Variants in SLC27A6 observed in about 807,000 individuals in gnomAD.
The protein encoded by SLC27A6 is long-chain fatty acid transport protein 6.
In SLC27A6, 74 loss-of-function variants were observed where a neutral mutation model predicts 63.9. The observed-to-expected ratio is 1.16, with a 90% confidence interval of 0.96 to 1.40. SLC27A6 has a LOEUF of 1.40. SLC27A6 is among the 40% of genes most tolerant of loss of function. SLC27A6 has a pLI of 0.00. For missense variants in SLC27A6, 794 were observed against 732.9 expected, an observed-to-expected ratio of 1.08 and a Z score of -0.96; for synonymous variants, 287 against 260.8, an observed-to-expected ratio of 1.10 and a Z score of -0.97.
chr5:128,967,913 C>G (rs376541814), intron 1 of SLC27A6, among the ~76,000 whole-genome samples: 8 of 152,038 alleles, frequency 5.3e-5, no homozygotes, highest in African/African-American at 1.9e-4. Context: ...CCTCCCCACT[C>G]CCCCCACCCC....
At chr5:128,990,525 G>A (rs981913653) in intron 4 of SLC27A6, 61 bp downstream of exon 4, 2 of 1,491,908 alleles carry the variant, frequency 1.3e-6, no homozygotes, top group Non-Finnish European at 1.8e-6. Context: ...AGATAGAAAA[G>A]GTTATTTTTA....
Position 128,966,036 on chromosome 5 carries a change from C to T in SLC27A6, c.-102C>T, listed in dbSNP as rs1395344846. ...CTGACAAGAACTTCAGGTGTAAGCCCTGAGTAGTGAGGATCTGCGGTCTCC... is the reference window on the plus strand; with the variant it reads ...CTGACAAGAACTTCAGGTGTAAGCCTTGAGTAGTGAGGATCTGCGGTCTCC... On this transcript the variant is annotated 5_prime_UTR_variant, in exon 1 of 10. Transcript: ENST00000262462. 7.2e-7 allele frequency: 1 copy of T among 1,394,304 alleles called. No individual in the cohort carries two copies. Among genetic ancestry groups the T allele is most frequent in the African/African-American group, 1.4e-5 (1 of 69,518 alleles). The allele number at this position is 1,394,304 out of a possible 1,614,324, so 86.4% of individuals were successfully genotyped here.
At chr5:128,998,628 T>G (rs1489155172) in intron 4 of SLC27A6, among the ~76,000 whole-genome samples, 1 of 152,162 alleles carries the variant, frequency 6.6e-6, no homozygotes, top group Non-Finnish European at 1.5e-5. Flanking sequence ...GTATTCTTAT[T>G]GTAGATGTGG....
At chr5:129,022,532 C>G (rs1270147663) in intron 5 of SLC27A6, among the ~76,000 whole-genome samples, 1 of 140,038 alleles carries the variant, frequency 7.1e-6, no homozygotes, top group East Asian at 1.9e-4. Flanking sequence ...CATTTCTCTT[C>G]TCCTGCTTTC....
In SLC27A6 at chr5:129,007,208, G is replaced by C. The variant is rs145691126; in HGVS notation, c.970-8677G>C. On this transcript the variant is annotated intron_variant, in intron 4 of 9. Coordinates refer to ENST00000262462, the MANE Select transcript of SLC27A6 (RefSeq NM_001017372.3). ...CACCTGTAATCCCAGCACTTTGGGA[G>C]GCCGAGGCGGGTGGATCACAAGGTC... Among the ~76,000 whole-genome samples the C allele has an allele frequency of 2.7e-3, 417 of 152,070 alleles. 1 individual carries two copies. The highest frequency in any genetic ancestry group is 9.5e-3 in the African/African-American group (393 of 41,520).
intron 1 of SLC27A6, among the ~76,000 whole-genome samples, chr5:128,971,263 G>A (rs1034738075): frequency 2.4e-4 from 36 of 152,122 alleles, no homozygotes; most frequent in Non-Finnish European, 1.0e-4. Flanking sequence ...TTCTGTAGAT[G>A]TCTGTTAGGT....
intron 7 of SLC27A6, among the ~76,000 whole-genome samples, chr5:129,027,899 T>C (rs1752295390): frequency 6.6e-6 from 1 of 151,810 alleles, no homozygotes; most frequent in Non-Finnish European, 1.5e-5. Context: ...TCAAAGGGGG[T>C]TAACACCTAG....
At chr5:128,985,403 A>G (rs1750754161) in intron 2 of SLC27A6, 67 bp downstream of exon 2, 2 of 1,312,580 alleles carry the variant, frequency 1.5e-6, no homozygotes, top group Non-Finnish European at 1.1e-6. Context: ...GTGTTGGGCA[A>G]ATTTCTACCA....
chr5:129,017,834 A>C (rs1249892498), intron 5 of SLC27A6, among the ~76,000 whole-genome samples: 3 of 152,168 alleles, frequency 2.0e-5, no homozygotes, highest in Non-Finnish European at 2.9e-5. Context: ...AAATAAATTC[A>C]TACTCCAACA....
At chr5:128,986,330 A>G (rs1021427010) in intron 2 of SLC27A6, among the ~76,000 whole-genome samples, 1 of 152,190 alleles carries the variant, frequency 6.6e-6, no homozygotes, top group Admixed American at 6.5e-5. Context: ...AAAGAAAGAG[A>G]ATTCAAAAGA....
intron 2 of SLC27A6, among the ~76,000 whole-genome samples, chr5:128,987,799 A>T (rs536448848): frequency 6.6e-6 from 1 of 152,250 alleles, no homozygotes; most frequent in Non-Finnish European, 1.5e-5. Flanking sequence ...CACACAAATA[A>T]ATGTAACAGA....
chr5:128,966,439 C>G lies in SLC27A6; in HGVS notation c.302C>G (p.Ser101Cys). The change falls in exon 1 of 10, where the codon TCT becomes TGT. Residue 101 changes from serine to cysteine, a missense_variant. Coordinates refer to ENST00000262462, the MANE Select transcript of SLC27A6 (RefSeq NM_001017372.3). ...RVAHVFLNHS[S>C]LKKGDTVALL... is the part of the protein sequence containing the mutation. ...GCCCATGTCTTCCTGAACCATTCCT[C>G]TCTGAAAAAGGGGGACACGGTGGCT... The G allele has an allele frequency of 6.2e-7, 1 of 1,605,642 alleles. No homozygotes were observed. The highest frequency in any genetic ancestry group is 8.5e-7 in the Non-Finnish European group (1 of 1,176,518).
chr5:129,005,762 G>A (rs1751501141), intron 4 of SLC27A6, among the ~76,000 whole-genome samples: 1 of 151,580 alleles, frequency 6.6e-6, no homozygotes, highest in Non-Finnish European at 1.5e-5. Context: ...ACAGGCGCCT[G>A]CCACCATGCC....
chr5:129,009,574 T>A (rs1297200678), intron 4 of SLC27A6, among the ~76,000 whole-genome samples: 4 of 152,246 alleles, frequency 2.6e-5, no homozygotes, highest in Non-Finnish European at 4.4e-5. Context: ...TTTTCATTCC[T>A]TATAAATAAT....
intron 1 of SLC27A6, 89 bp from the exon 2 acceptor site, chr5:128,985,044 A>T (rs571994985): frequency 1.2e-6 from 1 of 805,976 alleles, no homozygotes; most frequent in East Asian, 2.6e-5. Context: ...TTTACATTTT[A>T]TCCCTGTTTC....
In SLC27A6 at chr5:129,000,199, T is replaced by C. The variant is rs564782885; in HGVS notation, c.969+9735T>C. ...ACACTGGATTATGAGGTCTGTCTTC[T>C]TCATGAAAGTGTCTTCTTTCACTGC... On this transcript the variant is annotated intron_variant, in intron 4 of 9. Transcript: ENST00000262462. Among the ~76,000 whole-genome samples, 8 of 152,322 alleles carry C rather than the reference T, an allele frequency of 5.3e-5. No homozygotes were observed. In the South Asian group the frequency reaches 1.7e-3, roughly 32 times the overall value.
At position 129,016,089 on chromosome 5, in the gene SLC27A6, G is replaced by A. The variant is rs752758087; in HGVS notation, c.1164+10G>A. The A allele has an allele frequency of 3.8e-6, 6 of 1,561,322 alleles. No individual in the cohort carries two copies. The South Asian group carries it at 7.1e-5, about 18-fold the overall frequency. On this transcript the variant is annotated intron_variant, in intron 5 of 9. Transcript: ENST00000262462. ...AAATTTGTTTTACAAAGTAAGTACA[G>A]CATTTTCCTTATTAAAGAAATACAT...
intron 8 of SLC27A6, among the ~76,000 whole-genome samples, chr5:129,029,176 TCTTAA>T (rs1752339355): frequency 6.6e-6 from 1 of 152,108 alleles, no homozygotes; most frequent in South Asian, 2.1e-4. Flanking sequence ...GTTTCTAGTT[TCTTAA>T]CTTAAAAAAT....
intron 1 of SLC27A6, among the ~76,000 whole-genome samples, chr5:128,973,005 T>G (rs1434914168): frequency 1.3e-5 from 2 of 152,228 alleles, no homozygotes; most frequent in Non-Finnish European, 2.9e-5. Context: ...TTATTAGTTT[T>G]CCTTCTAACA....
Sources: allele counts gnomAD v4.1 joint callset (sites outside exome capture counted in the v4.1 genomes callset), GRCh38; gene constraint gnomAD v4.1.1; transcripts MANE v1.5; gene names NCBI Gene and HGNC (gene_info 2026-07-23, HGNC 2026-07-21).